ADARB1: variants seen among roughly 807,000 people sequenced by gnomAD.
ADARB1 encodes the protein adenosine deaminase RNA specific B1.
Under a neutral mutation model 52.4 loss-of-function variants are expected in ADARB1, and 10 were observed. The observed-to-expected ratio is 0.19, with a 90% CI of 0.12 to 0.32. ADARB1 has a LOEUF of 0.32. Among genes scored for constraint, ADARB1 ranks in the 10% least tolerant of loss-of-function variants. The pLI is 1.00. For missense variants in ADARB1, 643 were observed against 922.3 expected (o/e 0.70, Z 3.92); for synonymous variants, 349 against 371.1 (o/e 0.94, Z 0.68).
Position 45,142,981 on chromosome 21 carries a change from C to T in ADARB1, c.-48+14408C>T, listed in dbSNP as rs542046974. ...AAGGCCAAAGCTCCAATGGCATCTG[C>T]GATGCTTGTAAAACAAGTAGCAGCC... On this transcript the variant is annotated intron_variant, in intron 2 of 10. Transcript: ENST00000348831. The surrounding 1 kb of genome is among the most constrained non-coding windows in gnomAD (Gnocchi z 4.0). Among the ~76,000 whole-genome samples, 10 of 152,306 alleles carry T rather than the reference C, an allele frequency of 6.6e-5. No individual in the cohort carries two copies. The highest frequency in any genetic ancestry group is 1.3e-4 in the Admixed American group (2 of 15,308).
intron 1 of ADARB1, among the ~76,000 whole-genome samples, chr21:45,087,394 G>A (rs937500530): frequency 6.6e-6 from 1 of 152,224 alleles, no homozygotes; most frequent in Non-Finnish European, 1.5e-5. Flanking sequence ...AATGAGGCAA[G>A]TACCAAAGAA....
Position 45,221,986 on chromosome 21 carries a change from A to G in ADARB1, c.1927-32A>G, listed in dbSNP as rs111560804. 4.6e-5 allele frequency: 73 copies of G among 1,603,944 alleles called. No homozygotes were observed. In the African/African-American group the frequency reaches 5.5e-4, roughly 12 times the overall value. ...GTTGTTTTCATCTGTTACAGCGTCA[A>G]CAGTTGCATTTGTTTTTTTATCCCT... On this transcript the variant is annotated intron_variant, in intron 10 of 10. Coordinates refer to ENST00000348831, the MANE Select transcript of ADARB1 (RefSeq NM_001112.4). This position sits in a 1 kb window ranked among gnomAD's most constrained non-coding sequence, Gnocchi z 4.9.
chr21:45,120,365 C>T (rs894187191), intron 1 of ADARB1, among the ~76,000 whole-genome samples: 3 of 152,198 alleles, frequency 2.0e-5, no homozygotes, highest in Admixed American at 6.5e-5. Context: ...TGCATATGAA[C>T]GCATCATTTC....
intron 9 of ADARB1, among the ~76,000 whole-genome samples, chr21:45,207,055 G>A (rs1004977279): frequency 3.9e-5 from 6 of 152,200 alleles, no homozygotes; most frequent in Middle Eastern, 3.4e-3. Context: ...TTCTTCATAC[G>A]CCCAGTGGCA....
intron 2 of ADARB1, among the ~76,000 whole-genome samples, chr21:45,169,105 G>A (rs537168810): frequency 3.9e-5 from 6 of 152,282 alleles, no homozygotes; most frequent in East Asian, 3.9e-4. Context: ...TGGCAGCACC[G>A]GCTAGCGTCG....
At chr21:45,106,185 G>A (rs1425888057) in intron 1 of ADARB1, among the ~76,000 whole-genome samples, 3 of 85,858 alleles carry the variant, frequency 3.5e-5, no homozygotes, top group African/African-American at 1.3e-4. Flanking sequence ...GTTAAATCCC[G>A]TGGGAGGCTT....
chr21:45,178,539 G>T (rs2091796411), intron 4 of ADARB1, among the ~76,000 whole-genome samples: 1 of 152,204 alleles, frequency 6.6e-6, no homozygotes, highest in South Asian at 2.1e-4. Context: ...GTAGGACCCG[G>T]GTGGCCCTCC....
At chr21:45,133,880 CAGT>C (rs1312294972) in intron 2 of ADARB1, among the ~76,000 whole-genome samples, 1 of 127,850 alleles carries the variant, frequency 7.8e-6, no homozygotes, top group Non-Finnish European at 1.6e-5. Context: ...GTGTGCCCGA[CAGT>C]GGTGTGTGCG....
intron 2 of ADARB1, among the ~76,000 whole-genome samples, chr21:45,148,703 C>A (rs888158448): frequency 2.0e-5 from 3 of 152,228 alleles, no homozygotes; most frequent in Non-Finnish European, 4.4e-5. Context: ...ATGGGCATCA[C>A]AGATGCATTC....
At chr21:45,080,853 A>G (rs2086125411) in intron 1 of ADARB1, among the ~76,000 whole-genome samples, 1 of 152,130 alleles carries the variant, frequency 6.6e-6, no homozygotes, top group Non-Finnish European at 1.5e-5. Context: ...GAAAGCAGGT[A>G]TTGTTGCTTT....
intron 1 of ADARB1, among the ~76,000 whole-genome samples, chr21:45,124,944 G>T (rs142707116): frequency 1.3e-5 from 2 of 151,810 alleles, no homozygotes; most frequent in Non-Finnish European, 2.9e-5. Context: ...GATGACAGGC[G>T]TGTGTTACTA....
In ADARB1 at chr21:45,223,250, C is replaced by G; in HGVS notation, c.*1053C>G. The G allele has an allele frequency of 1.0e-6, 1 of 985,464 alleles. No homozygotes were observed. Among genetic ancestry groups the G allele is most frequent in the Non-Finnish European group, 1.2e-6 (1 of 829,936 alleles). The allele number at this position is 985,464 out of a possible 1,614,324, so 61.0% of individuals were successfully genotyped here. A position where few individuals can be genotyped will look rare whatever the true frequency, so the allele number is the denominator to read the frequency against. On this transcript the variant is annotated 3_prime_UTR_variant, in exon 11 of 11. Transcript: ENST00000348831. ...TTTAAATTATTGTTTCCAGCTTTATCAAAGACATGTTTGAAAAATAAAAAG... is the reference window on the plus strand; with the variant it reads ...TTTAAATTATTGTTTCCAGCTTTATGAAAGACATGTTTGAAAAATAAAAAG...
intron 1 of ADARB1, among the ~76,000 whole-genome samples, chr21:45,088,025 C>A (rs1368075678): frequency 6.6e-6 from 1 of 152,178 alleles, no homozygotes; most frequent in Non-Finnish European, 1.5e-5. Flanking sequence ...GAAGAAGTTA[C>A]AAATAGCAAA....
intron 3 of ADARB1, among the ~76,000 whole-genome samples, chr21:45,173,815 C>T (rs1413803468): frequency 1.3e-5 from 2 of 151,634 alleles, no homozygotes; most frequent in Non-Finnish European, 2.9e-5. Context: ...ATTTAGTGTC[C>T]ATTCCATCAG....
chr21:45,126,775 T>A (rs2088611538), intron 1 of ADARB1, among the ~76,000 whole-genome samples: 1 of 152,172 alleles, frequency 6.6e-6, no homozygotes, highest in African/African-American at 2.4e-5. Context: ...ATTCTCACAC[T>A]TGATGTTTAG....
At chr21:45,167,840 G>A (rs1220940396) in intron 2 of ADARB1, among the ~76,000 whole-genome samples, 1 of 152,072 alleles carries the variant, frequency 6.6e-6, no homozygotes, top group Non-Finnish European at 1.5e-5. Context: ...CATTTCTCTG[G>A]GATAAATGCC....
chr21:45,171,721 A>G (rs2091489339), intron 3 of ADARB1, 37 bp downstream of exon 3: 1 of 1,569,694 alleles, frequency 6.4e-7, no homozygotes, highest in Non-Finnish European at 8.6e-7. Context: ...TCAGATAGCT[A>G]ATTTTATGTT....
intron 1 of ADARB1, among the ~76,000 whole-genome samples, chr21:45,123,182 G>T (rs887750815): frequency 6.6e-6 from 1 of 152,080 alleles, no homozygotes; most frequent in Non-Finnish European, 1.5e-5. Flanking sequence ...TCTCACCCAG[G>T]TTAAATAGAC....
chr21:45,192,727 T>G (rs1040539880), intron 8 of ADARB1, among the ~76,000 whole-genome samples: 2 of 151,982 alleles, frequency 1.3e-5, no homozygotes, highest in Non-Finnish European at 2.9e-5. Flanking sequence ...GAAGACAAAA[T>G]TACCAATATC....
Sources: allele counts gnomAD v4.1 joint callset (sites outside exome capture counted in the v4.1 genomes callset), GRCh38; gene constraint gnomAD v4.1.1; non-coding constraint Gnocchi (gnomAD v3.1); transcripts MANE v1.5; gene names NCBI Gene and HGNC (gene_info 2026-07-23, HGNC 2026-07-21).